UNKL: variants seen among roughly 807,000 people sequenced by gnomAD.
UNKL encodes putative E3 ubiquitin-protein ligase UNKL.
In UNKL, 60 loss-of-function variants were observed where a neutral mutation model predicts 78.0. That is an observed-to-expected ratio of 0.77 (90% confidence interval 0.63 to 0.95). The LOEUF (loss-of-function observed/expected upper bound fraction) is 0.95. UNKL is among the 40% of genes least tolerant of loss of function. The probability of loss-of-function intolerance (pLI) is 0.00; values close to 1 mark genes in which losing one functional copy is unlikely to be tolerated. For missense variants in UNKL, 1,159 were observed against 1,045.7 expected (o/e 1.11, Z -1.49); for synonymous variants, 608 against 474.8 (o/e 1.28, Z -3.65).
chr16:1,385,421 C>T (rs1031944880), intron 9 of UNKL, 36 bp from the exon 10 acceptor site: 3 of 1,296,848 alleles, frequency 2.3e-6, no homozygotes, highest in East Asian at 6.3e-5. Context: ...GCGCGCACCC[C>T]CTGCGTGGAG....
chr16:1,405,500 C>T (rs1041295369), intron 2 of UNKL, among the ~76,000 whole-genome samples: 14 of 151,360 alleles, frequency 9.2e-5, no homozygotes, highest in Non-Finnish European at 1.5e-4. Context: ...TACTTGAACC[C>T]GGGAGGCGGG....
At chr16:1,401,317 G>A in intron 4 of UNKL, 1 of 405,918 alleles carries the variant, frequency 2.5e-6, no homozygotes, top group Non-Finnish European at 4.3e-6. Context: ...TTGGTCAATG[G>A]CTGGCCCCAC....
chr16:1,394,034 T>C (rs2037157921), intron 7 of UNKL, 97 bp downstream of exon 7: 4 of 1,288,732 alleles, frequency 3.1e-6, no homozygotes, highest in Non-Finnish European at 2.2e-6. Flanking sequence ...GCCTTCCAGG[T>C]CCTCGTGGGC....
At position 1,369,055 on chromosome 16, in the gene UNKL, G is replaced by GTTTTTT. The variant is rs1218071522; in HGVS notation, c.1585+1069_1585+1074dup. The stretch of plus-strand genomic sequence containing the variant: ...GCCACTATGTTGGCCCAAAGTATTA[G>GTTTTTT]TTTTTTTTTTTTTTTTTTTTTTTTT... On this transcript the variant is annotated intron_variant, in intron 12 of 14. Coordinates refer to ENST00000389221, the MANE Select transcript of UNKL (RefSeq NM_001372107.1). 1.0e-3 allele frequency among the ~76,000 whole-genome samples: 55 copies of GTTTTTT among 53,722 alleles called. 8 individuals carry two copies. The highest frequency in any genetic ancestry group is 1.3e-3 in the South Asian group (1 of 794). 35.2% of individuals were successfully genotyped at this position (53,722 alleles called of 152,430 possible).
At chr16:1,390,508 T>A (rs1312318660) in intron 9 of UNKL, 124 bp downstream of exon 9, 8 of 977,048 alleles carry the variant, frequency 8.2e-6, no homozygotes, top group South Asian at 1.8e-5. Flanking sequence ...GAGCCGAGAG[T>A]GGGCGGGACC....
chr16:1,383,537 G>A (rs1161289752), intron 10 of UNKL: 1 of 338,082 alleles, frequency 3.0e-6, no homozygotes, highest in Non-Finnish European at 6.1e-6. Flanking sequence ...GATGGGACTG[G>A]TCTAGTGTCC....
rs1182599630 is a variant in UNKL at position 1,363,297 on chromosome 16, TTAAACAAGTG to T, written c.*2933_*2942del. On this transcript the variant is annotated 3_prime_UTR_variant, in exon 15 of 15. Coordinates refer to ENST00000389221, the MANE Select transcript of UNKL (RefSeq NM_001372107.1). The stretch of plus-strand genomic sequence containing the variant: ...CATAAATGCTATAGTGTAAAAAAAT[TTAAACAAGTG>T]TTAACTTTAAACAGTTCGCTACAAG... 8 of 592,594 alleles carry T rather than the reference TTAAACAAGTG, an allele frequency of 1.3e-5. No individual in the cohort carries two copies. Among genetic ancestry groups the T allele is most frequent in the Non-Finnish European group, 2.4e-5 (8 of 331,816 alleles). The allele number at this position is 592,594 out of a possible 1,614,324, so 36.7% of individuals were successfully genotyped here. A position where few individuals can be genotyped will look rare whatever the true frequency, so the allele number is the denominator to read the frequency against.
intron 6 of UNKL, among the ~76,000 whole-genome samples, chr16:1,394,986 T>C (rs2037198700): frequency 6.6e-6 from 1 of 152,180 alleles, no homozygotes; most frequent in Non-Finnish European, 1.5e-5. Flanking sequence ...CAAGTGATTC[T>C]CTTGCCTCAG....
rs914951839 is a variant in UNKL at position 1,398,402 on chromosome 16, G to A, written c.734+972C>T. ...TTTTTATTTTCTTTCCATGACGGGC[G>A]ATGACAAAATCTCAGACACTAATTT... On this transcript the variant is annotated intron_variant, in intron 5 of 14. Transcript: ENST00000389221. 8 of 1,027,520 alleles carry A rather than the reference G, an allele frequency of 7.8e-6. No individual in the cohort carries two copies. The Admixed American group carries it at 4.1e-4, about 52-fold the overall frequency. The allele number at this position is 1,027,520 out of a possible 1,614,324, so 63.7% of individuals were successfully genotyped here.
intron 2 of UNKL, chr16:1,405,772 C>G (rs1036733853): frequency 8.6e-6 from 3 of 347,820 alleles, no homozygotes; most frequent in African/African-American, 6.5e-5. Flanking sequence ...GTGAGCAGAG[C>G]CACGTGATTA....
At chr16:1,372,403 G>A (rs2035932228) in intron 10 of UNKL, among the ~76,000 whole-genome samples, 1 of 152,288 alleles carries the variant, frequency 6.6e-6, no homozygotes, top group East Asian at 1.9e-4. Flanking sequence ...ACCCGCCTCA[G>A]AGTGGCCTCA....
intron 13 of UNKL, 38 bp downstream of exon 13, chr16:1,367,618 C>G (rs1429598877): frequency 4.1e-6 from 5 of 1,228,886 alleles, no homozygotes; most frequent in Non-Finnish European, 4.6e-6. Flanking sequence ...CTGCGGCCCT[C>G]CCTCCCCCTC....
intron 10 of UNKL, among the ~76,000 whole-genome samples, chr16:1,379,923 C>T (rs1343029236): frequency 1.3e-5 from 2 of 152,212 alleles, no homozygotes; most frequent in Non-Finnish European, 2.9e-5. Context: ...GCTCCTCCTG[C>T]CCTGCCCACC....
At chr16:1,401,401 C>G in intron 4 of UNKL, 167 bp downstream of exon 4, 1 of 891,696 alleles carries the variant, frequency 1.1e-6, no homozygotes, top group Non-Finnish European at 1.5e-6. Context: ...CACTCGGCAC[C>G]CACCCCCTGT....
At chr16:1,369,926 G>C (rs2035652046) in intron 12 of UNKL, 1 of 1,544,686 alleles carries the variant, frequency 6.5e-7, no homozygotes, top group African/African-American at 1.4e-5. Context: ...GGCGAGCCGA[G>C]ATCGTACCAT....
At chr16:1,385,135 G>T in intron 10 of UNKL, 73 bp downstream of exon 10, 5 of 1,106,380 alleles carry the variant, frequency 4.5e-6, no homozygotes, top group Non-Finnish European at 4.6e-6. Context: ...TGAAATAGAA[G>T]CGCTGTCCCT....
chr16:1,409,244 G>C (rs771414506), intron 2 of UNKL, among the ~76,000 whole-genome samples: 1 of 152,172 alleles, frequency 6.6e-6, no homozygotes, highest in Non-Finnish European at 1.5e-5. Flanking sequence ...ATGAACTAAA[G>C]AAAAGGAAGG....
At chr16:1,371,429 G>T in intron 11 of UNKL, 90 bp downstream of exon 11, 2 of 1,324,402 alleles carry the variant, frequency 1.5e-6, no homozygotes, top group Non-Finnish European at 2.1e-6. Context: ...CTGCAGCCTT[G>T]ACCTCCCCGG....
rs2035134105 is a variant in UNKL at position 1,365,074 on chromosome 16, A to AC, written c.*1165dup. On this transcript the variant is annotated 3_prime_UTR_variant, in exon 15 of 15. Transcript: ENST00000389221. Reference sequence around the variant, plus strand: ...GGTGGCGCGATCTCGGCTCACTGCAACCTCTGCCTCCCAGGTTCAAGCGAT... The same window carrying AC: ...GGTGGCGCGATCTCGGCTCACTGCAACCCTCTGCCTCCCAGGTTCAAGCGAT... The AC allele has an allele frequency of 6.6e-6, 1 of 151,296 alleles. No homozygotes were observed. The highest frequency in any genetic ancestry group is 1.5e-5 in the Non-Finnish European group (1 of 68,196). The allele number at this position is 151,296 out of a possible 1,614,324, so 9.4% of individuals were successfully genotyped here.
Sources: allele counts gnomAD v4.1 joint callset (sites outside exome capture counted in the v4.1 genomes callset), GRCh38; gene constraint gnomAD v4.1.1; transcripts MANE v1.5; gene names NCBI Gene and HGNC (gene_info 2026-07-23, HGNC 2026-07-21).